RASA1: variants seen among roughly 807,000 people sequenced by gnomAD.
RASA1 encodes the protein ras GTPase-activating protein 1.
A neutral mutation model predicts 132.2 loss-of-function variants in RASA1; 25 were observed. The observed-to-expected ratio is 0.19, with a 90% confidence interval of 0.14 to 0.26. The LOEUF (loss-of-function observed/expected upper bound fraction) is 0.26, where lower values mean the gene tolerates loss of function less well. RASA1 is among the 10% of genes least tolerant of loss of function. The pLI is 1.00. For synonymous variants in RASA1, 477 were observed against 449.9 expected (o/e 1.06, Z -0.76); for missense variants, 964 against 1,299.2 (o/e 0.74, Z 3.97).
At chr5:87,307,382 A>G (rs1286885586) in intron 1 of RASA1, among the ~76,000 whole-genome samples, 2 of 152,124 alleles carry the variant, frequency 1.3e-5, no homozygotes, top group African/African-American at 2.4e-5. Flanking sequence ...AATGGCGTCA[A>G]CCCGGGAGGC....
At chr5:87,368,280 A>G (rs148736276) in intron 11 of RASA1, among the ~76,000 whole-genome samples, 11 of 152,142 alleles carry the variant, frequency 7.2e-5, no homozygotes, top group African/African-American at 2.7e-4. Flanking sequence ...TCATTTTATT[A>G]CATTTTTTTC....
At position 87,359,867 on chromosome 5, in the gene RASA1, T is replaced by C. The variant is rs558849275; in HGVS notation, c.1333-2684T>C. Among the ~76,000 whole-genome samples the C allele has an allele frequency of 4.6e-5, 7 of 152,328 alleles. 1 individual carries two copies. The East Asian group carries it at 1.4e-3, about 29-fold the overall frequency. On this transcript the variant is annotated intron_variant, in intron 9 of 24. Transcript: ENST00000274376. ...AATTTTTGTTCCATGTTTTCATGTC[T>C]AGAAAGGTTTACGTACCTGAAATGG...
At chr5:87,335,573 C>T (rs1225029909) in intron 4 of RASA1, among the ~76,000 whole-genome samples, 2 of 151,544 alleles carry the variant, frequency 1.3e-5, no homozygotes, top group Non-Finnish European at 2.9e-5. Flanking sequence ...CTATGGGCGT[C>T]TGCCACCACA....
At chr5:87,361,844 C>T (rs1375930021) in intron 9 of RASA1, among the ~76,000 whole-genome samples, 4 of 151,714 alleles carry the variant, frequency 2.6e-5, no homozygotes, top group Non-Finnish European at 5.9e-5. Context: ...TAGTTTTATA[C>T]ATTTTTTTTT....
chr5:87,304,536 C>T (rs928624972), intron 1 of RASA1, among the ~76,000 whole-genome samples: 24 of 150,976 alleles, frequency 1.6e-4, no homozygotes, highest in Non-Finnish European at 2.2e-4. Context: ...GCTACAATCT[C>T]GGCTCACTGC....
chr5:87,363,511 G>A lies in RASA1; in HGVS notation c.1610+7G>A. On this transcript the variant is annotated splice_region_variant and intron_variant, in intron 11 of 24. Coordinates refer to ENST00000274376, the MANE Select transcript of RASA1 (RefSeq NM_002890.3). ...ATGATAGTCTCTTTGGCAGGTAAGA[G>A]ACTGGTTTCCTATTTTTCTTTCGGA... 6.2e-7 allele frequency: 1 copy of A among 1,609,516 alleles called. No homozygotes were observed. Among genetic ancestry groups the A allele is most frequent in the South Asian group, 1.1e-5 (1 of 90,926 alleles).
intron 1 of RASA1, among the ~76,000 whole-genome samples, chr5:87,289,094 A>G (rs765367473): frequency 6.6e-6 from 1 of 152,124 alleles, no homozygotes; most frequent in Non-Finnish European, 1.5e-5. Flanking sequence ...AATCTAGAAC[A>G]GTCCTTTTTG....
In RASA1 at chr5:87,338,531, AT is replaced by A. The variant is rs1184809911; in HGVS notation, c.1017+441del. Among the ~76,000 whole-genome samples the A allele has an allele frequency of 1.8e-3, 148 of 81,036 alleles. 1 individual carries two copies. The highest frequency in any genetic ancestry group is 5.7e-3 in the Admixed American group (48 of 8,354). 53.2% of individuals were successfully genotyped at this position (81,036 alleles called of 152,430 possible). A position where few individuals can be genotyped will look rare whatever the true frequency, so the allele number is the denominator to read the frequency against. ...TATATATATATATATATATATATAT[AT>A]AAAATTTTTTTTTTTTTTAAGTAGA... On this transcript the variant is annotated intron_variant, in intron 5 of 24. Coordinates refer to ENST00000274376, the MANE Select transcript of RASA1 (RefSeq NM_002890.3).
rs963875671 is a variant in RASA1 at position 87,267,957 on chromosome 5, C to G, written c.-495C>G. 101 of 393,870 alleles carry G rather than the reference C, an allele frequency of 2.6e-4. No homozygotes were observed. The highest frequency in any genetic ancestry group is 5.3e-4 in the Admixed American group (12 of 22,526). 24.4% of individuals were successfully genotyped at this position (393,870 alleles called of 1,614,324 possible). A position where few individuals can be genotyped will look rare whatever the true frequency, so the allele number is the denominator to read the frequency against. ...CCCCGCCCCCCTTTCTCTTGCCCCC[C>G]CACCCCTCTCATCTGCCTGGTGGAG... On this transcript the variant is annotated 5_prime_UTR_variant, in exon 1 of 25. Coordinates refer to ENST00000274376, the MANE Select transcript of RASA1 (RefSeq NM_002890.3).
chr5:87,359,966 C>CTT (rs1389234822), intron 9 of RASA1, among the ~76,000 whole-genome samples: 1 of 152,126 alleles, frequency 6.6e-6, no homozygotes, highest in African/African-American at 2.4e-5. Flanking sequence ...CTTGTAAACT[C>CTT]TGATTCCAGA....
chr5:87,377,958 ACT>A (rs1265302457), intron 17 of RASA1, among the ~76,000 whole-genome samples: 1 of 152,130 alleles, frequency 6.6e-6, no homozygotes, highest in African/African-American at 2.4e-5. Flanking sequence ...TTTTACTGAA[ACT>A]CAGTAGACAT....
chr5:87,353,159 T>C lies in RASA1; in HGVS notation c.1256T>C (p.Ile419Thr), dbSNP rs201287544. The change falls in exon 9 of 25, where the codon ATT (isoleucine) becomes ACT (threonine). Residue 419 changes from isoleucine to threonine, a missense_variant and splice_region_variant. This residue lies in a region of RASA1 where 154 missense variants were observed against 286.5 expected (regional missense o/e 0.54). Transcript: ENST00000274376. The stretch of plus-strand genomic sequence containing the variant: ...ACTAGAAATTTTTATTTTAACAGCA[T>C]TGGGGACATCATAGATCACTATCGA... ...FMMGGRYYNS[I>T]GDIIDHYRKE... is the part of the protein sequence containing the mutation. 12 of 1,606,920 alleles carry C rather than the reference T, an allele frequency of 7.5e-6. No homozygotes were observed. Among genetic ancestry groups the C allele is most frequent in the African/African-American group, 1.3e-5 (1 of 74,848 alleles).
chr5:87,387,827 C>G (rs533944328), intron 23 of RASA1, among the ~76,000 whole-genome samples: 1 of 152,198 alleles, frequency 6.6e-6, no homozygotes, highest in East Asian at 1.9e-4. Flanking sequence ...TGCTAAAAGT[C>G]CATCATGCTT....
At chr5:87,303,880 G>A (rs1419475088) in intron 1 of RASA1, among the ~76,000 whole-genome samples, 5 of 136,718 alleles carry the variant, frequency 3.7e-5, no homozygotes, top group Non-Finnish European at 4.6e-5. Context: ...TGCTCTTGTC[G>A]CCCAAGCTGG....
intron 6 of RASA1, among the ~76,000 whole-genome samples, chr5:87,344,077 G>C (rs1029468068): frequency 2.6e-5 from 4 of 152,114 alleles, no homozygotes; most frequent in African/African-American, 9.7e-5. Context: ...AAGGGTAGCA[G>C]GGAAGGGGGG....
chr5:87,296,081 T>A (rs892876230), intron 1 of RASA1, among the ~76,000 whole-genome samples: 2 of 152,134 alleles, frequency 1.3e-5, no homozygotes, highest in African/African-American at 4.8e-5. Flanking sequence ...CCTCCCAAAG[T>A]GTTGGGATTA....
In RASA1 at chr5:87,268,145, G is replaced by T. The variant is rs948234555; in HGVS notation, c.-307G>T. On this transcript the variant is annotated 5_prime_UTR_variant, in exon 1 of 25. In the 5' UTR this introduces an upstream ATG that the reference lacks. Coordinates refer to ENST00000274376, the MANE Select transcript of RASA1 (RefSeq NM_002890.3). Reference sequence around the variant, plus strand: ...CTTCCTTTCCTCTTTAGTGCAGCGAGGAAGTTTTCGCTTCTGTACATGTGT... The same window carrying T: ...CTTCCTTTCCTCTTTAGTGCAGCGATGAAGTTTTCGCTTCTGTACATGTGT... 9.1e-6 allele frequency: 4 copies of T among 438,296 alleles called. No homozygotes were observed. Among genetic ancestry groups the T allele is most frequent in the Non-Finnish European group, 1.6e-5 (4 of 248,752 alleles). The allele number at this position is 438,296 out of a possible 1,614,324, so 27.2% of individuals were successfully genotyped here.
chr5:87,383,624 A>G (rs1051823366), intron 20 of RASA1, 89 bp from the exon 21 acceptor site: 3 of 1,022,494 alleles, frequency 2.9e-6, no homozygotes, highest in East Asian at 2.6e-5. Context: ...TATGAGTACT[A>G]AAAATTCTGT....
intron 15 of RASA1, 73 bp from the exon 16 acceptor site, chr5:87,376,320 C>T: frequency 6.5e-7 from 1 of 1,549,094 alleles, no homozygotes; most frequent in Non-Finnish European, 8.8e-7. Context: ...GACTGAACAC[C>T]AGGAAAATTT....
Sources: gnomAD v4.1 joint callset for allele counts (sites outside exome capture counted in the v4.1 genomes callset) on GRCh38, gnomAD v4.1.1 for gene constraint, gnomAD v4.1.1 regional missense constraint, MANE v1.5 for transcripts, NCBI Gene and HGNC (gene_info 2026-07-23, HGNC 2026-07-21) for gene names.